The following VCL variants were observed in gnomAD, a reference collection of about 807,000 sequenced individuals.
VCL encodes epididymis luminal protein 114.
In VCL, 47 loss-of-function variants were observed where a neutral mutation model predicts 125.7. That is an observed-to-expected ratio of 0.37 (90% CI 0.30 to 0.48). The LOEUF is 0.48. Ranked by LOEUF, VCL falls within the 20% of genes least tolerant of loss-of-function variation. The pLI, the probability that VCL is intolerant of heterozygous loss-of-function variation, is 0.99. For synonymous variants in VCL, 458 were observed against 514.6 expected, an observed-to-expected ratio of 0.89 and a Z score of 1.49; for missense variants, 1,069 against 1,455.5, an observed-to-expected ratio of 0.73 and a Z score of 4.32.
At chr10:74,053,328 A>C (rs929528157) in intron 2 of VCL, among the ~76,000 whole-genome samples, 5 of 152,110 alleles carry the variant, frequency 3.3e-5, no homozygotes, top group African/African-American at 1.2e-4. Flanking sequence ...GAAATTACCA[A>C]TTTTATCCAA....
intron 1 of VCL, among the ~76,000 whole-genome samples, chr10:73,998,644 A>G (rs891811591): frequency 6.6e-6 from 1 of 152,184 alleles, no homozygotes; most frequent in Non-Finnish European, 1.5e-5. Context: ...ATGGCGAGGT[A>G]TTATTCGTGG....
At chr10:74,050,043 T>C (rs1841271411) in intron 2 of VCL, among the ~76,000 whole-genome samples, 1 of 152,238 alleles carries the variant, frequency 6.6e-6, no homozygotes, top group Non-Finnish European at 1.5e-5. Context: ...TTGGACCTGA[T>C]CCAAGGATGT....
chr10:74,034,126 G>A (rs972866239), intron 1 of VCL, among the ~76,000 whole-genome samples: 3 of 152,152 alleles, frequency 2.0e-5, no homozygotes, highest in Non-Finnish European at 4.4e-5. Flanking sequence ...CTTGTCTTCC[G>A]AGTTTTCTTC....
intron 2 of VCL, among the ~76,000 whole-genome samples, chr10:74,067,887 TGAA>T (rs1438139717): frequency 6.6e-6 from 1 of 152,194 alleles, no homozygotes; most frequent in Non-Finnish European, 1.5e-5. Context: ...ACTGAGATAA[TGAA>T]GAGTTTTGGC....
intron 6 of VCL, chr10:74,077,476 A>G (rs887823936): frequency 6.8e-5 from 12 of 176,886 alleles, no homozygotes; most frequent in African/African-American, 2.9e-4. Flanking sequence ...TACCCTGAAA[A>G]TAGAAATTGG....
chr10:74,103,841 T>G lies in VCL; in HGVS notation c.2044T>G (p.Leu682Val). The G allele has an allele frequency of 1.2e-6, 2 of 1,614,162 alleles. No individual in the cohort carries two copies. The highest frequency in any genetic ancestry group is 1.7e-6 in the Non-Finnish European group (2 of 1,180,010). The change falls in exon 15 of 22, where the codon TTA becomes GTA. Residue 682 changes from leucine to valine, a missense_variant. Physicochemically the swap from Leu to Val is conservative, Grantham distance 32. Transcript: ENST00000211998. Reference protein sequence around the residue: ...TPQVVSAARILLRNPGNQAAY... With the variant: ...TPQVVSAARIVLRNPGNQAAY... ...TCAGGTGGTCTCGGCTGCTCGTATCTTACTTAGGAACCCTGGAAATCAAGC... is the reference window on the plus strand; with the variant it reads ...TCAGGTGGTCTCGGCTGCTCGTATCGTACTTAGGAACCCTGGAAATCAAGC...
At chr10:74,013,583 G>A (rs1840477022) in intron 1 of VCL, among the ~76,000 whole-genome samples, 1 of 151,552 alleles carries the variant, frequency 6.6e-6, no homozygotes, top group South Asian at 2.1e-4. Flanking sequence ...AAAATTTTGG[G>A]AAGCAGTACA....
At chr10:74,083,342 T>C (rs1908339) in intron 7 of VCL, 24 bp from the exon 8 acceptor site, 2 of 1,612,886 alleles carry the variant, frequency 1.2e-6, no homozygotes, top group Non-Finnish European at 8.5e-7. Context: ...AACAATGTAG[T>C]TATTGAATAT....
At chr10:74,048,324 C>T (rs745750042) in intron 2 of VCL, among the ~76,000 whole-genome samples, 138 of 152,046 alleles carry the variant, frequency 9.1e-4, no homozygotes, top group Non-Finnish European at 1.0e-3. Flanking sequence ...CAAAACTAGC[C>T]GGGCGTGGTG....
chr10:74,116,266 C>G lies in VCL; in HGVS notation c.3258+1367C>G, dbSNP rs147451982. 2.1e-3 allele frequency among the ~76,000 whole-genome samples: 316 copies of G among 152,254 alleles called. 1 individual carries two copies. Among genetic ancestry groups the G allele is most frequent in the South Asian group, 3.9e-3 (19 of 4,824 alleles). ...GTTGCTTCTGCTACCATATTCTAAT[C>G]CAACAACTCTCACCCTAATCCTCTC... On this transcript the variant is annotated intron_variant, in intron 21 of 21. Transcript: ENST00000211998.
intron 18 of VCL, 96 bp downstream of exon 18, chr10:74,109,252 CCCT>C: frequency 6.8e-7 from 1 of 1,464,076 alleles, no homozygotes; most frequent in South Asian, 1.2e-5. Flanking sequence ...TTTGGAGTCA[CCCT>C]CTCTCTCTCC....
chr10:74,043,892 C>G (rs1026298918), intron 2 of VCL, among the ~76,000 whole-genome samples: 5 of 151,616 alleles, frequency 3.3e-5, no homozygotes, highest in Admixed American at 6.6e-5. Context: ...TGGATCACCT[C>G]AGGTCAGGAG....
chr10:74,024,482 G>A (rs1840734485), intron 1 of VCL, among the ~76,000 whole-genome samples: 1 of 152,052 alleles, frequency 6.6e-6, no homozygotes, highest in Admixed American at 6.6e-5. Context: ...ATGGTGGCAG[G>A]CGCCTGTAGT....
At chr10:74,059,435 C>T (rs1239934661) in intron 2 of VCL, among the ~76,000 whole-genome samples, 1 of 150,222 alleles carries the variant, frequency 6.7e-6, no homozygotes, top group Non-Finnish European at 1.5e-5. Flanking sequence ...GACGGAGTCT[C>T]GCCCTGTCAC....
chr10:74,055,784 A>G (rs1347296346), intron 2 of VCL, among the ~76,000 whole-genome samples: 5 of 152,134 alleles, frequency 3.3e-5, no homozygotes, highest in Non-Finnish European at 7.4e-5. Flanking sequence ...CTAGTATGAG[A>G]TGGAGGAAGG....
At chr10:74,104,827 G>A in intron 15 of VCL, 1 of 582,526 alleles carries the variant, frequency 1.7e-6, no homozygotes, top group Non-Finnish European at 3.0e-6. Context: ...AACCACGGTT[G>A]GTATAAATGC....
chr10:74,030,808 A>G (rs914164008), intron 1 of VCL, among the ~76,000 whole-genome samples: 3 of 152,300 alleles, frequency 2.0e-5, no homozygotes, highest in East Asian at 1.9e-4. Context: ...ATAGTGTTCC[A>G]TTATTGGAAC....
At chr10:74,001,886 T>C (rs1428316352) in intron 1 of VCL, among the ~76,000 whole-genome samples, 1 of 152,220 alleles carries the variant, frequency 6.6e-6, no homozygotes, top group Non-Finnish European at 1.5e-5. Flanking sequence ...ATTAGTCTTA[T>C]TTTGGTCAAG....
intron 1 of VCL, among the ~76,000 whole-genome samples, chr10:74,017,110 G>C (rs112331493): frequency 0.14 from 18,852 of 135,272 alleles, 1,330 homozygotes; most frequent in East Asian, 0.19. Flanking sequence ...TGCAGTGGCG[G>C]GATCTCGGCT....
Sources: gnomAD v4.1 joint callset for allele counts (sites outside exome capture counted in the v4.1 genomes callset) on GRCh38, gnomAD v4.1.1 for gene constraint, MANE v1.5 for transcripts, NCBI Gene and HGNC (gene_info 2026-07-23, HGNC 2026-07-21) for gene names.